The following TESPA1 variants were observed in gnomAD, a reference collection of about 807,000 sequenced individuals.
TESPA1 encodes thymocyte expressed, positive selection associated 1, also known as protein TESPA1.
TESPA1 carries 33 observed loss-of-function variants against 57.9 expected under a neutral mutation model. That is an observed-to-expected ratio of 0.57 (90% CI 0.43 to 0.76). The LOEUF is 0.76. TESPA1 is among the 30% of genes least tolerant of loss of function. The pLI, the probability that TESPA1 is intolerant of heterozygous loss-of-function variation, is 0.00. For missense variants in TESPA1, 618 were observed against 632.9 expected (o/e 0.98, Z 0.25); for synonymous variants, 227 against 228.9 (o/e 0.99, Z 0.07).
chr12:54,984,397 G>T (rs1952423469), intron 1 of TESPA1, among the ~76,000 whole-genome samples, 188 bp downstream of exon 1: 1 of 152,058 alleles, frequency 6.6e-6, no homozygotes, highest in African/African-American at 2.4e-5. Context: ...AAAGCAAAAG[G>T]GCACCCAGCA....
chr12:54,970,203 G>A (rs1592391555), intron 3 of TESPA1, among the ~76,000 whole-genome samples: 1 of 152,144 alleles, frequency 6.6e-6, no homozygotes, highest in African/African-American at 2.4e-5. Context: ...CTCCCAAAGT[G>A]CTGGGGTTAC....
At chr12:54,960,181 G>T (rs917691303) in intron 10 of TESPA1, among the ~76,000 whole-genome samples, 3 of 151,918 alleles carry the variant, frequency 2.0e-5, no homozygotes, top group Admixed American at 6.6e-5. Flanking sequence ...TACTATCTGG[G>T]GAAAATACCA....
chr12:54,963,004 G>C lies in TESPA1; in HGVS notation c.894C>G (p.Asp298Glu), dbSNP rs570649963. 1 of 1,613,816 alleles carries C rather than the reference G, an allele frequency of 6.2e-7. No homozygotes were observed. The highest frequency in any genetic ancestry group is 8.5e-7 in the Non-Finnish European group (1 of 1,179,850). ...SKMCLYTCPR[D>E]RPPPPHNTPK... ...GGGTGTTGTGGGGTGGTGGTGGCCG[G>C]TCTCGGGGGCATGTGTACAGACACA... is the stretch of plus-strand genomic sequence containing the variant. Residue 298 changes from aspartate (D) to glutamate (E), a missense_variant, in exon 9 of 11, where the codon GAC (aspartate) becomes GAG (glutamate). By Grantham distance (45) the Asp-to-Glu change is conservative. Coordinates refer to ENST00000449076, the MANE Select transcript of TESPA1 (RefSeq NM_001136030.3).
intron 10 of TESPA1, among the ~76,000 whole-genome samples, chr12:54,960,868 G>T (rs185393575): frequency 6.6e-6 from 1 of 152,218 alleles, no homozygotes; most frequent in East Asian, 1.9e-4. Context: ...AAATTCTTTG[G>T]TTCTATCCAG....
intron 1 of TESPA1, among the ~76,000 whole-genome samples, chr12:54,978,427 TAGGTG>T (rs1952207452): frequency 6.6e-6 from 1 of 152,238 alleles, no homozygotes; most frequent in Admixed American, 6.5e-5. Flanking sequence ...TTAATTTATT[TAGGTG>T]AGTTTGAAAT....
In TESPA1 at chr12:54,958,280, A is replaced by T. The variant is rs191652053; in HGVS notation, c.*1+2888T>A. Among the ~76,000 whole-genome samples the T allele has an allele frequency of 3.8e-3, 584 of 152,272 alleles. 5 individuals carry two copies. Among genetic ancestry groups the T allele is most frequent in the African/African-American group, 0.014 (563 of 41,552 alleles). On this transcript the variant is annotated intron_variant, in intron 10 of 10. Transcript: ENST00000449076. ...TGCTGGACAAACAACACTTAAGCAAAGTGTTGCATTTTAGAGTAAATTCAA... is the reference window on the plus strand; with the variant it reads ...TGCTGGACAAACAACACTTAAGCAATGTGTTGCATTTTAGAGTAAATTCAA...
chr12:54,979,583 A>G (rs1952242322), intron 1 of TESPA1, among the ~76,000 whole-genome samples: 1 of 152,204 alleles, frequency 6.6e-6, no homozygotes, highest in Admixed American at 6.5e-5. Context: ...GTGGAGTAAG[A>G]TATAATTCTT....
At chr12:54,955,962 G>A (rs1169251454) in intron 10 of TESPA1, among the ~76,000 whole-genome samples, 1 of 142,952 alleles carries the variant, frequency 7.0e-6, no homozygotes, top group Non-Finnish European at 1.5e-5. Flanking sequence ...ATATAAAAAT[G>A]TGTCCAGTAT....
At chr12:54,957,011 T>TG (rs1338058373) in intron 10 of TESPA1, among the ~76,000 whole-genome samples, 5 of 152,252 alleles carry the variant, frequency 3.3e-5, no homozygotes, top group African/African-American at 1.2e-4. Flanking sequence ...CAGCACTGCA[T>TG]GGGGGGTTAA....
intron 10 of TESPA1, among the ~76,000 whole-genome samples, chr12:54,953,951 A>C (rs1950570379): frequency 6.6e-6 from 1 of 152,222 alleles, no homozygotes; most frequent in Non-Finnish European, 1.5e-5. Flanking sequence ...CATGTTTTTC[A>C]CTAAACTATG....
chr12:54,963,815 G>A lies in TESPA1; in HGVS notation c.582C>T (p.Gly194=), dbSNP rs1247582560. The A allele has an allele frequency of 5.6e-6, 9 of 1,614,004 alleles. No individual in the cohort carries two copies. Among genetic ancestry groups the A allele is most frequent in the Non-Finnish European group, 7.6e-6 (9 of 1,179,880 alleles). The change falls in exon 8 of 11, where the codon GGC becomes GGT. Residue 194 remains glycine, a synonymous_variant. Coordinates refer to ENST00000449076, the MANE Select transcript of TESPA1 (RefSeq NM_001136030.3). ...ACTTCAGGAAGAGCTGGAAATCAAT[G>A]CCCTTGGCCTGAGAGGGGGTGGTGA... ...RFFTTPSQAK[G]IDFQLFLKSQ...
intron 10 of TESPA1, among the ~76,000 whole-genome samples, chr12:54,954,233 G>C (rs1298925101): frequency 6.6e-6 from 1 of 152,174 alleles, no homozygotes; most frequent in Non-Finnish European, 1.5e-5. Flanking sequence ...CAGGAGACCT[G>C]GGCCTTAGTT....
At chr12:54,979,740 A>G (rs1051612717) in intron 1 of TESPA1, among the ~76,000 whole-genome samples, 5 of 152,224 alleles carry the variant, frequency 3.3e-5, no homozygotes, top group Non-Finnish European at 7.3e-5. Flanking sequence ...CAGAGGCAGT[A>G]ACTGTAGCAG....
intron 2 of TESPA1, chr12:54,973,913 T>C: frequency 9.5e-7 from 1 of 1,054,458 alleles, no homozygotes; most frequent in Non-Finnish European, 1.1e-6. Context: ...TGTTTTACTC[T>C]TATGACTGTG....
chr12:54,973,437 C>T, intron 3 of TESPA1, 40 bp downstream of exon 3: 1 of 1,613,312 alleles, frequency 6.2e-7, no homozygotes, highest in East Asian at 2.2e-5. Flanking sequence ...CAAATTCAAC[C>T]ATCAGCCACA....
At chr12:54,954,273 C>A (rs1276295617) in intron 10 of TESPA1, among the ~76,000 whole-genome samples, 1 of 152,212 alleles carries the variant, frequency 6.6e-6, no homozygotes, top group African/African-American at 2.4e-5. Flanking sequence ...GTTGCATGAT[C>A]TTGCTAAGTC....
chr12:54,951,132 G>T (rs543234046), intron 10 of TESPA1, among the ~76,000 whole-genome samples: 1 of 152,198 alleles, frequency 6.6e-6, no homozygotes, highest in African/African-American at 2.4e-5. Context: ...GATCCTGAAT[G>T]TTGGAGGTGG....
intron 10 of TESPA1, among the ~76,000 whole-genome samples, chr12:54,952,217 G>A (rs754073286): frequency 9.2e-5 from 14 of 152,152 alleles, no homozygotes; most frequent in African/African-American, 3.4e-4. Flanking sequence ...ATGCAGAAAG[G>A]AGGCCCTCAC....
At position 54,961,248 on chromosome 12, in the gene TESPA1, T is replaced by C. The variant is rs1186422189; in HGVS notation, c.1487A>G (p.Glu496Gly). Residue 496 changes from glutamate to glycine, a missense_variant, in exon 10 of 11, where the codon GAG becomes GGG. Physicochemically the swap from Glu to Gly is moderately conservative, Grantham distance 98. This residue lies in a region of TESPA1 where 409 missense variants were observed against 420.1 expected (regional missense o/e 0.97). Transcript: ENST00000449076. ...GGGCCAGCGACTCTGACTCTGCTCC[T>C]CCTCACTGTTGCTTTGCACCTGTAA... ...DLEEVQSNSE[E>G]EQSQSRWPSR... The C allele has an allele frequency of 1.9e-6, 3 of 1,613,812 alleles. No individual in the cohort carries two copies. The highest frequency in any genetic ancestry group is 8.5e-7 in the Non-Finnish European group (1 of 1,179,872).
Sources: allele counts gnomAD v4.1 joint callset (sites outside exome capture counted in the v4.1 genomes callset), GRCh38; gene constraint gnomAD v4.1.1; regional missense constraint gnomAD v4.1.1; transcripts MANE v1.5; gene names NCBI Gene and HGNC (gene_info 2026-07-23, HGNC 2026-07-21).